The following DKK2 variants were observed in gnomAD, a reference collection of about 807,000 sequenced individuals.
DKK2 encodes dickkopf-related protein 2.
A neutral mutation model predicts 28.1 loss-of-function variants in DKK2; 11 were observed. The ratio of observed to expected loss-of-function variants is 0.39; its 90% confidence interval spans 0.25 to 0.65. DKK2 has a LOEUF of 0.65. Among genes scored for constraint, DKK2 ranks in the 30% least tolerant of loss-of-function variants. The probability of loss-of-function intolerance (pLI) is 0.47; values close to 1 mark genes in which losing one functional copy is unlikely to be tolerated. For missense variants in DKK2, 326 were observed against 335.5 expected, an observed-to-expected ratio of 0.97 and a Z score of 0.22; for synonymous variants, 135 against 126.5, an observed-to-expected ratio of 1.07 and a Z score of -0.45.
chr4:107,025,210 T>G (rs754246603), intron 1 of DKK2, among the ~76,000 whole-genome samples: 2 of 152,186 alleles, frequency 1.3e-5, no homozygotes, highest in South Asian at 4.1e-4. Context: ...TCTGAGACAG[T>G]GTCTTCCTAA....
intron 1 of DKK2, among the ~76,000 whole-genome samples, chr4:106,950,613 T>C (rs924401554): frequency 1.9e-4 from 29 of 152,136 alleles, no homozygotes; most frequent in Admixed American, 2.6e-4. Flanking sequence ...TCCAGCCATG[T>C]TCATCTTCCC....
Position 106,992,019 on chromosome 4 carries a change from T to A in DKK2, c.222+43351A>T, listed in dbSNP as rs566641074. 1.4e-4 allele frequency among the ~76,000 whole-genome samples: 21 copies of A among 152,314 alleles called. No homozygotes were observed. The East Asian group carries it at 3.1e-3, about 22-fold the overall frequency. ...CACGAATCCAGAAAGGTGATTAGAT[T>A]TTAAATGACAGTCACTTGCTGAAAC... On this transcript the variant is annotated intron_variant, in intron 1 of 3. Coordinates refer to ENST00000285311, the MANE Select transcript of DKK2 (RefSeq NM_014421.3).
intron 1 of DKK2, among the ~76,000 whole-genome samples, chr4:106,973,953 T>C (rs1276450557): frequency 6.6e-6 from 1 of 152,236 alleles, no homozygotes; most frequent in African/African-American, 2.4e-5. Context: ...TTTCTGCATA[T>C]GGCTAGCCAG....
At chr4:106,986,092 G>C (rs1316582141) in intron 1 of DKK2, among the ~76,000 whole-genome samples, 1 of 152,096 alleles carries the variant, frequency 6.6e-6, no homozygotes, top group African/African-American at 2.4e-5. Flanking sequence ...CCCACAGTGT[G>C]CTGCACACAG....
chr4:106,945,953 C>T (rs1434795413), intron 1 of DKK2, among the ~76,000 whole-genome samples: 2 of 152,154 alleles, frequency 1.3e-5, no homozygotes, highest in African/African-American at 4.8e-5. Flanking sequence ...AAGTCTCCTC[C>T]TGCTAACAGA....
chr4:106,944,166 A>G (rs1724743577), intron 1 of DKK2, among the ~76,000 whole-genome samples: 1 of 152,106 alleles, frequency 6.6e-6, no homozygotes, highest in South Asian at 2.1e-4. Flanking sequence ...CACTTTAGTC[A>G]CAGCAATATA....
intron 1 of DKK2, among the ~76,000 whole-genome samples, chr4:106,951,652 G>C (rs1724861530): frequency 6.6e-6 from 1 of 152,110 alleles, no homozygotes; most frequent in Admixed American, 6.6e-5. Context: ...AAGAATGACA[G>C]ACACCACAGG....
intron 1 of DKK2, among the ~76,000 whole-genome samples, chr4:106,945,042 A>T (rs555464755): frequency 1.1e-4 from 16 of 152,246 alleles, no homozygotes; most frequent in African/African-American, 3.8e-4. Context: ...AGACAGATCA[A>T]AAGCATAAGG....
chr4:107,007,745 A>G (rs551521039), intron 1 of DKK2, among the ~76,000 whole-genome samples: 1 of 152,266 alleles, frequency 6.6e-6, no homozygotes, highest in South Asian at 2.1e-4. Flanking sequence ...TTACATCATG[A>G]GATTTAATTG....
At chr4:106,943,872 A>C (rs1578351613) in intron 1 of DKK2, among the ~76,000 whole-genome samples, 1 of 152,230 alleles carries the variant, frequency 6.6e-6, no homozygotes, top group African/African-American at 2.4e-5. Flanking sequence ...AAATTCTTCA[A>C]GCCTATGGCA....
intron 1 of DKK2, among the ~76,000 whole-genome samples, chr4:106,969,873 C>T (rs897587796): frequency 1.4e-4 from 22 of 152,210 alleles, no homozygotes; most frequent in African/African-American, 5.1e-4. Context: ...CGGGTCAAAT[C>T]TGTGGGGCCT....
intron 1 of DKK2, among the ~76,000 whole-genome samples, chr4:107,032,790 G>A (rs543942654): frequency 8.5e-5 from 13 of 152,220 alleles, no homozygotes; most frequent in African/African-American, 3.1e-4. Flanking sequence ...TTGATTAGTT[G>A]ACACATTAAT....
chr4:106,995,604 A>G (rs1434533501), intron 1 of DKK2, among the ~76,000 whole-genome samples: 1 of 151,778 alleles, frequency 6.6e-6, no homozygotes, highest in Non-Finnish European at 1.5e-5. Flanking sequence ...ACAGGACCTT[A>G]TGTGTATTTA....
chr4:106,977,632 T>C (rs1453871569), intron 1 of DKK2, among the ~76,000 whole-genome samples: 1 of 152,158 alleles, frequency 6.6e-6, no homozygotes, highest in Non-Finnish European at 1.5e-5. Context: ...TAGTTAGCAA[T>C]TTCTCTAACC....
chr4:107,017,202 T>C (rs1249565301), intron 1 of DKK2, among the ~76,000 whole-genome samples: 7 of 152,034 alleles, frequency 4.6e-5, no homozygotes, highest in Non-Finnish European at 8.8e-5. Context: ...CACCATTCTG[T>C]AGAACAAAGC....
chr4:106,936,569 C>G (rs1335271063), intron 1 of DKK2, among the ~76,000 whole-genome samples: 1 of 152,234 alleles, frequency 6.6e-6, no homozygotes, highest in South Asian at 2.1e-4. Flanking sequence ...AGAACTTCCC[C>G]AATCTAGCAA....
chr4:106,994,619 G>T (rs1001618267), intron 1 of DKK2, among the ~76,000 whole-genome samples: 1 of 152,104 alleles, frequency 6.6e-6, no homozygotes, highest in African/African-American at 2.4e-5. Context: ...AAAAATAACT[G>T]GGGGAGTAGA....
chr4:106,972,559 T>C (rs1050683022), intron 1 of DKK2, among the ~76,000 whole-genome samples: 3 of 152,108 alleles, frequency 2.0e-5, no homozygotes, highest in Admixed American at 6.6e-5. Flanking sequence ...TGTCACTTTT[T>C]CCCTCATGAT....
chr4:107,016,292 T>C (rs1723602895), intron 1 of DKK2, among the ~76,000 whole-genome samples: 1 of 151,906 alleles, frequency 6.6e-6, no homozygotes, highest in Non-Finnish European at 1.5e-5. Context: ...ACAGTTAACG[T>C]GTGGAAAATA....
Sources: gnomAD v4.1 joint callset for allele counts (sites outside exome capture counted in the v4.1 genomes callset) on GRCh38, gnomAD v4.1.1 for gene constraint, MANE v1.5 for transcripts, NCBI Gene and HGNC (gene_info 2026-07-23, HGNC 2026-07-21) for gene names.